Variants in NUP214 observed in about 807,000 individuals in gnomAD.
The protein encoded by NUP214 is nucleoporin 214.
Under a neutral mutation model 196.2 loss-of-function variants are expected in NUP214, and 79 were observed. The observed-to-expected ratio is 0.40, with a 90% CI of 0.34 to 0.49. NUP214 has a LOEUF of 0.49. Ranked by LOEUF, NUP214 falls within the 20% of genes least tolerant of loss-of-function variation. The pLI is 0.58. For synonymous variants in NUP214, 1,020 were observed against 990.5 expected, an observed-to-expected ratio of 1.03 and a Z score of -0.56; for missense variants, 2,468 against 2,539.0, an observed-to-expected ratio of 0.97 and a Z score of 0.60.
chr9:131,202,701 CA>C (rs1833972224), intron 30 of NUP214, among the ~76,000 whole-genome samples: 1 of 151,970 alleles, frequency 6.6e-6, no homozygotes, highest in Non-Finnish European at 1.5e-5. Flanking sequence ...CTTGGCCTCT[CA>C]AAGTGCTGGG....
At position 131,197,724 on chromosome 9, in the gene NUP214, T is replaced by G. The variant is rs1833831616; in HGVS notation, c.4230T>G (p.Val1410=). Residue 1410 remains valine, a synonymous_variant, in exon 29 of 36, where the codon GTT becomes GTG. Coordinates refer to ENST00000359428, the MANE Select transcript of NUP214 (RefSeq NM_005085.4). ...PAATSTSSTA[V]FGSLPVTSAG... The stretch of plus-strand genomic sequence containing the variant: ...CCACCAGCACTTCCTCAACTGCCGT[T>G]TTTGGCAGTCTGCCAGTCACCAGTG... 6.2e-7 allele frequency: 1 copy of G among 1,614,036 alleles called. No individual in the cohort carries two copies.
At chr9:131,193,629 C>CTTTTTTTTTTTTGTTTTTTTT (rs1833679418) in intron 27 of NUP214, among the ~76,000 whole-genome samples, 1 of 28,218 alleles carries the variant, frequency 3.5e-5, no homozygotes, top group Admixed American at 8.0e-4. Flanking sequence ...TCTTCCTTTT[C>CTTTTTTTTTTTTGTTTTTTTT]TTTTTTTTTT....
intron 24 of NUP214, among the ~76,000 whole-genome samples, chr9:131,183,295 G>A (rs536316087): frequency 3.3e-5 from 5 of 152,332 alleles, no homozygotes; most frequent in Admixed American, 2.0e-4. Context: ...ATGTTGGCCA[G>A]GCTGGTCTCG....
At chr9:131,188,555 A>G (rs1833518132) in intron 25 of NUP214, among the ~76,000 whole-genome samples, 1 of 152,256 alleles carries the variant, frequency 6.6e-6, no homozygotes, top group African/African-American at 2.4e-5. Flanking sequence ...TTAAGCATTT[A>G]GCATTCGATC....
chr9:131,190,632 C>T, intron 26 of NUP214: 2 of 520,850 alleles, frequency 3.8e-6, no homozygotes, highest in Non-Finnish European at 6.7e-6. Context: ...GAAATACCTT[C>T]ATTGTTTTTC....
chr9:131,143,843 A>G (rs1224137199), intron 11 of NUP214, among the ~76,000 whole-genome samples: 1 of 152,042 alleles, frequency 6.6e-6, no homozygotes, highest in Admixed American at 6.6e-5. Context: ...AAATTTATCA[A>G]GGTGTTAGAT....
At chr9:131,199,049 C>T in intron 29 of NUP214, 34 bp downstream of exon 29, 1 of 1,543,928 alleles carries the variant, frequency 6.5e-7, no homozygotes, top group South Asian at 1.3e-5. Context: ...ACTTGTTTCC[C>T]TCTCTGCTAT....
Position 131,130,142 on chromosome 9 carries a change from TTTTTTTTTG to T in NUP214, c.593-615_593-607del, listed in dbSNP as rs1354359110. On this transcript the variant is annotated intron_variant, in intron 4 of 35. Transcript: ENST00000359428. ...GGAGAATGATTTCTGGTTTTGTTTT[TTTTTTTTTG>T]TTTTTTTTTTGAGACAGAGTCTTGC... 7.7e-5 allele frequency among the ~76,000 whole-genome samples: 8 copies of T among 103,504 alleles called. 1 individual carries two copies. The highest frequency in any genetic ancestry group is 1.2e-4 in the Non-Finnish European group (6 of 48,510). The allele number at this position is 103,504 out of a possible 152,430, so 67.9% of individuals were successfully genotyped here.
At chr9:131,130,180 G>T (rs1301105053) in intron 4 of NUP214, among the ~76,000 whole-genome samples, 1 of 93,580 alleles carries the variant, frequency 1.1e-5, no homozygotes, top group East Asian at 4.0e-4. Flanking sequence ...GTCTTGCTCT[G>T]TCGCCCAGGC....
At chr9:131,150,534 C>T (rs564695742) in intron 15 of NUP214, 82 bp from the exon 16 acceptor site, 10 of 1,579,268 alleles carry the variant, frequency 6.3e-6, no homozygotes, top group Middle Eastern at 1.7e-4. Flanking sequence ...TCCCAGCAGT[C>T]TGAGCAGTTA....
intron 17 of NUP214, among the ~76,000 whole-genome samples, chr9:131,155,862 A>G (rs1005689766): frequency 6.6e-6 from 1 of 152,092 alleles, no homozygotes; most frequent in Non-Finnish European, 1.5e-5. Flanking sequence ...TACCTGTACC[A>G]TGGTGTTTTG....
At chr9:131,185,328 G>A (rs917881453) in intron 24 of NUP214, among the ~76,000 whole-genome samples, 3 of 152,172 alleles carry the variant, frequency 2.0e-5, no homozygotes, top group African/African-American at 7.2e-5. Flanking sequence ...CCAAGAACCC[G>A]AGTTTCCAGA....
At chr9:131,163,344 A>G (rs956103500) in intron 19 of NUP214, 171 bp downstream of exon 19, 18 of 609,454 alleles carry the variant, frequency 3.0e-5, no homozygotes, top group Non-Finnish European at 4.4e-5. Flanking sequence ...CTAAAAAATG[A>G]GGATGACAAT....
At chr9:131,208,388 T>G (rs1834141862) in intron 30 of NUP214, among the ~76,000 whole-genome samples, 2 of 152,240 alleles carry the variant, frequency 1.3e-5, no homozygotes, top group Non-Finnish European at 2.9e-5. Context: ...TGGGATATTT[T>G]TCAGCCATAA....
At chr9:131,134,863 C>T in intron 7 of NUP214, 35 bp from the exon 8 acceptor site, 1 of 1,416,306 alleles carries the variant, frequency 7.1e-7, no homozygotes, top group Non-Finnish European at 9.9e-7. Flanking sequence ...AAAAATTGCA[C>T]ATGAGAATTT....
Position 131,197,965 on chromosome 9 carries a change from A to G in NUP214, c.4471A>G (p.Arg1491Gly), listed in dbSNP as rs774686202. 6.2e-7 allele frequency: 1 copy of G among 1,614,180 alleles called. No homozygotes were observed. The highest frequency in any genetic ancestry group is 1.7e-5 in the Admixed American group (1 of 60,018). ...CCCCTCCCTGCCTATGTCCGCTGGC[A>G]GAAGCACAGAAGAGGCCACTTCATC... ...TTPSLPMSAG[R>G]STEEATSSAL... The change falls in exon 29 of 36, where the codon AGA (arginine) becomes GGA (glycine). Residue 1491 changes from arginine (R) to glycine (G), a missense_variant. Arg to Gly is a moderately radical substitution (Grantham distance 125, BLOSUM62 -2). Around this residue, in one of 5 missense-constraint regions of NUP214, gnomAD observed 1,801 missense variants for 1,779.4 expected, o/e 1.01. Transcript: ENST00000359428.
At chr9:131,175,853 G>A in intron 23 of NUP214, 1 of 510,686 alleles carries the variant, frequency 2.0e-6, no homozygotes, top group South Asian at 5.5e-5. Flanking sequence ...TAGTTAAGGT[G>A]GAAATCAGTG....
chr9:131,224,397 A>T (rs1834669793), intron 32 of NUP214, among the ~76,000 whole-genome samples: 1 of 152,078 alleles, frequency 6.6e-6, no homozygotes, highest in Non-Finnish European at 1.5e-5. Flanking sequence ...AGTTTTTTTT[A>T]AGACAGGTGG....
chr9:131,232,163 T>C lies in NUP214; in HGVS notation c.6215-121T>C, dbSNP rs868323713. Reference sequence around the variant, plus strand: ...TGTACCTTTCCTGCCTTCCTGTAGGTGGTGGAGGCACGGAGGGCTTCCCAC... The same window carrying C: ...TGTACCTTTCCTGCCTTCCTGTAGGCGGTGGAGGCACGGAGGGCTTCCCAC... On this transcript the variant is annotated intron_variant, in intron 34 of 35. Coordinates refer to ENST00000359428, the MANE Select transcript of NUP214 (RefSeq NM_005085.4). This position sits in a 1 kb window ranked among gnomAD's most constrained non-coding sequence, Gnocchi z 5.1. 22 of 936,040 alleles carry C rather than the reference T, an allele frequency of 2.4e-5. No individual in the cohort carries two copies. The Middle Eastern group carries it at 3.2e-3, about 134-fold the overall frequency. The allele number at this position is 936,040 out of a possible 1,614,324, so 58.0% of individuals were successfully genotyped here.
Sources: allele counts gnomAD v4.1 joint callset (sites outside exome capture counted in the v4.1 genomes callset), GRCh38; gene constraint gnomAD v4.1.1; regional missense constraint gnomAD v4.1.1; non-coding constraint Gnocchi (gnomAD v3.1); transcripts MANE v1.5; gene names NCBI Gene and HGNC (gene_info 2026-07-23, HGNC 2026-07-21).